Variants in PCLO observed in about 807,000 individuals in gnomAD.
The protein encoded by PCLO is piccolo presynaptic cytomatrix protein.
A neutral mutation model predicts 427.5 loss-of-function variants in PCLO; 82 were observed. That is an observed-to-expected ratio of 0.19 (90% CI 0.16 to 0.23). PCLO has a LOEUF of 0.23. Among genes scored for constraint, PCLO ranks in the 10% least tolerant of loss-of-function variants. The pLI, the probability that PCLO is intolerant of heterozygous loss-of-function variation, is 1.00. For missense variants in PCLO, 6,239 were observed against 6,115.9 expected (o/e 1.02, Z -0.67); for synonymous variants, 2,357 against 2,155.4 (o/e 1.09, Z -2.59).
intron 3 of PCLO, among the ~76,000 whole-genome samples, chr7:83,033,143 C>G (rs1351557574): frequency 6.6e-6 from 1 of 152,096 alleles, no homozygotes; most frequent in Non-Finnish European, 1.5e-5. Context: ...ATCTCCCCAG[C>G]CATGAGGAAC....
rs1019387365 is a variant in PCLO, at chr7:83,118,575, T to C, written c.3300+15675A>G. On this transcript the variant is annotated intron_variant, in intron 3 of 24. Coordinates refer to ENST00000333891, the MANE Select transcript of PCLO (RefSeq NM_033026.6). ...AGCAAAGTGATTGTAGGACCCTGCATTGGAACTCAGTGCTTCCCTGTCACA... is the reference window on the plus strand; with the variant it reads ...AGCAAAGTGATTGTAGGACCCTGCACTGGAACTCAGTGCTTCCCTGTCACA... Among the ~76,000 whole-genome samples the C allele has an allele frequency of 6.6e-5, 10 of 151,590 alleles. 1 individual carries two copies. The highest frequency in any genetic ancestry group is 3.3e-4 in the Admixed American group (5 of 15,222).
At chr7:83,054,354 G>C (rs1181002298) in intron 3 of PCLO, among the ~76,000 whole-genome samples, 1 of 151,974 alleles carries the variant, frequency 6.6e-6, no homozygotes, top group African/African-American at 2.4e-5. Flanking sequence ...AGCCCTGAAA[G>C]ATAAATAGTT....
chr7:83,022,324 T>C (rs1788365760), intron 3 of PCLO, among the ~76,000 whole-genome samples: 1 of 152,240 alleles, frequency 6.6e-6, no homozygotes, highest in African/African-American at 2.4e-5. Flanking sequence ...TAAGGTATTT[T>C]ATTAGAGCAG....
chr7:83,158,054 T>C (rs574826881), intron 1 of PCLO, among the ~76,000 whole-genome samples: 1 of 152,178 alleles, frequency 6.6e-6, no homozygotes, highest in Admixed American at 6.5e-5. Context: ...TACTTCTAGG[T>C]AGCAAGCACT....
chr7:82,936,359 T>G (rs535420224), intron 6 of PCLO, among the ~76,000 whole-genome samples: 7 of 151,496 alleles, frequency 4.6e-5, no homozygotes, highest in Non-Finnish European at 8.9e-5. Flanking sequence ...TAAAAAGTGG[T>G]CAAAAGACTT....
At chr7:82,995,459 A>G (rs752561368) in intron 3 of PCLO, among the ~76,000 whole-genome samples, 57 of 152,022 alleles carry the variant, frequency 3.7e-4, no homozygotes, top group Admixed American at 2.0e-4. Context: ...TTGGTGTAAG[A>G]AAGTGCTGGA....
intron 2 of PCLO, among the ~76,000 whole-genome samples, chr7:83,147,897 T>C (rs1792035081): frequency 6.6e-6 from 1 of 152,218 alleles, no homozygotes; most frequent in Admixed American, 6.5e-5. Context: ...GCCAATAGAA[T>C]ATCAAATAGT....
rs547732373 is a variant in PCLO at position 82,932,541 on chromosome 7, T to C, written c.11113-15668A>G. Among the ~76,000 whole-genome samples the C allele has an allele frequency of 5.1e-4, 78 of 152,238 alleles. 3 individuals are homozygous for C. In the South Asian group the frequency reaches 0.013, roughly 25 times the overall value. On this transcript the variant is annotated intron_variant, in intron 6 of 24. Coordinates refer to ENST00000333891, the MANE Select transcript of PCLO (RefSeq NM_033026.6). Reference sequence around the variant, plus strand: ...TGTACGATTTATGAGTTAAATAATTTTCAGGTAATTTCAGAGGGCATTTGT... The same window carrying C: ...TGTACGATTTATGAGTTAAATAATTCTCAGGTAATTTCAGAGGGCATTTGT...
At chr7:82,763,004 G>A (rs764779288) in intron 22 of PCLO, among the ~76,000 whole-genome samples, 11 of 152,008 alleles carry the variant, frequency 7.2e-5, no homozygotes, top group African/African-American at 1.2e-4. Context: ...GTAGTGGCCC[G>A]ATCATGGCTC....
At chr7:83,009,988 G>A (rs1449226890) in intron 3 of PCLO, among the ~76,000 whole-genome samples, 1 of 151,716 alleles carries the variant, frequency 6.6e-6, no homozygotes, top group Non-Finnish European at 1.5e-5. Flanking sequence ...TGACATTTCT[G>A]GATACCACTT....
At chr7:82,820,113 G>A (rs1443435293) in intron 20 of PCLO, among the ~76,000 whole-genome samples, 2 of 152,028 alleles carry the variant, frequency 1.3e-5, no homozygotes, top group Non-Finnish European at 2.9e-5. Flanking sequence ...GTTGAAGGTT[G>A]GCCACTTCTG....
At chr7:82,963,320 A>G (rs958597531) in intron 4 of PCLO, among the ~76,000 whole-genome samples, 12 of 152,074 alleles carry the variant, frequency 7.9e-5, no homozygotes, top group Admixed American at 5.2e-4. Context: ...TTTTAAAATC[A>G]TTTGTTGAAA....
chr7:82,764,055 A>G (rs77994589), intron 22 of PCLO, among the ~76,000 whole-genome samples: 4,532 of 152,090 alleles, frequency 0.03, 200 homozygotes, highest in African/African-American at 0.1. Flanking sequence ...TTGTAGAACT[A>G]AGATTGAGCA....
intron 3 of PCLO, among the ~76,000 whole-genome samples, chr7:83,089,230 A>C (rs952833641): frequency 3.3e-5 from 5 of 152,024 alleles, no homozygotes; most frequent in African/African-American, 1.2e-4. Context: ...TTTGTATTAC[A>C]TGTTCAGGGT....
At chr7:82,971,619 A>T (rs1233914616) in intron 3 of PCLO, among the ~76,000 whole-genome samples, 3 of 147,664 alleles carry the variant, frequency 2.0e-5, no homozygotes, top group African/African-American at 7.4e-5. Context: ...ATGATATCGT[A>T]TAGATATATA....
chr7:82,858,589 A>G (rs1240718331), intron 10 of PCLO, among the ~76,000 whole-genome samples: 1 of 152,168 alleles, frequency 6.6e-6, no homozygotes, highest in Admixed American at 6.6e-5. Context: ...TAATTAATAA[A>G]CAAATTCAGT....
intron 3 of PCLO, among the ~76,000 whole-genome samples, chr7:83,133,151 T>C (rs564841255): frequency 6.6e-6 from 1 of 152,160 alleles, no homozygotes; most frequent in East Asian, 1.9e-4. Flanking sequence ...ATGAAATTTT[T>C]CTATGGTTTA....
chr7:83,009,563 A>C (rs1788028407), intron 3 of PCLO, among the ~76,000 whole-genome samples: 1 of 151,884 alleles, frequency 6.6e-6, no homozygotes, highest in African/African-American at 2.4e-5. Context: ...ATCCTTTTAT[A>C]ATTTCTGTAC....
rs1266512937 is a variant in PCLO, at chr7:82,841,526, C to T, written c.14047-17G>A. On this transcript the variant is annotated splice_polypyrimidine_tract_variant and intron_variant, in intron 13 of 24. Transcript: ENST00000333891. Reference sequence around the variant, plus strand: ...ATCGGTAGGCTGTAATATTAAAGAACATATATTACATTAATAGATACATTT... The same window carrying T: ...ATCGGTAGGCTGTAATATTAAAGAATATATATTACATTAATAGATACATTT... 1.5e-6 allele frequency: 2 copies of T among 1,377,214 alleles called. No homozygotes were observed. The highest frequency in any genetic ancestry group is 4.6e-5 in the East Asian group (2 of 43,342). 85.3% of individuals were successfully genotyped at this position (1,377,214 alleles called of 1,614,324 possible).
Sources: allele counts gnomAD v4.1 joint callset (sites outside exome capture counted in the v4.1 genomes callset), GRCh38; gene constraint gnomAD v4.1.1; transcripts MANE v1.5; gene names NCBI Gene and HGNC (gene_info 2026-07-23, HGNC 2026-07-21).